The following EIF2D variants were observed in gnomAD, a reference collection of about 807,000 sequenced individuals.
EIF2D encodes hepatocellular carcinoma-associated antigen 56.
Under a neutral mutation model 77.4 loss-of-function variants are expected in EIF2D, and 56 were observed. The ratio of observed to expected loss-of-function variants is 0.72; its 90% CI spans 0.58 to 0.90. The LOEUF is 0.90. Among genes scored for constraint, EIF2D ranks in the 40% least tolerant of loss-of-function variants. The probability of loss-of-function intolerance (pLI) is 0.00; values close to 1 mark genes in which losing one functional copy is unlikely to be tolerated. For missense variants in EIF2D, 574 were observed against 706.5 expected, an observed-to-expected ratio of 0.81 and a Z score of 2.13; for synonymous variants, 230 against 271.0, an observed-to-expected ratio of 0.85 and a Z score of 1.49.
intron 5 of EIF2D, chr1:206,603,526 A>C: frequency 4.2e-6 from 1 of 239,712 alleles, no homozygotes; most frequent in Non-Finnish European, 8.1e-6. Context: ...ACTCCCAAAA[A>C]TGTTCCCTTC....
chr1:206,584,234 T>C lies in EIF2D; in HGVS notation c.139-3072A>G, dbSNP rs2103571227. Reference sequence around the variant, plus strand: ...TCCCAGCCCACTATGGGGAAAGGGATCTCTGCTCCTTCCTCCAGCTCTCCC... The same window carrying C: ...TCCCAGCCCACTATGGGGAAAGGGACCTCTGCTCCTTCCTCCAGCTCTCCC... On this transcript the variant is annotated intron_variant and NMD_transcript_variant, in intron 2 of 5. Transcript: ENST00000472709. This position sits in a 1 kb window ranked among gnomAD's most constrained non-coding sequence, Gnocchi z 4.9. Among the ~76,000 whole-genome samples, 1 of 152,310 alleles carries C rather than the reference T, an allele frequency of 6.6e-6. No homozygotes were observed. Among genetic ancestry groups the C allele is most frequent in the African/African-American group, 2.4e-5 (1 of 41,570 alleles).
At chr1:206,583,853 C>T (rs935937089) in intron 2 of EIF2D, among the ~76,000 whole-genome samples, 1 of 152,124 alleles carries the variant, frequency 6.6e-6, no homozygotes, top group African/African-American at 2.4e-5. Context: ...AAAAACACTG[C>T]CCCCTGCTGG....
intron 6 of EIF2D, 124 bp downstream of exon 6, chr1:206,602,827 A>T: frequency 1.4e-6 from 2 of 1,405,966 alleles, no homozygotes; most frequent in African/African-American, 2.9e-5. Flanking sequence ...CCTCACAGAA[A>T]ATAAGGACCT....
intron 4 of EIF2D, among the ~76,000 whole-genome samples, chr1:206,576,501 A>C (rs766658587): frequency 1.3e-5 from 2 of 152,220 alleles, no homozygotes; most frequent in African/African-American, 4.8e-5. Flanking sequence ...AATGAGAGTG[A>C]AGTTACAAAG....
At position 206,582,807 on chromosome 1, in the gene EIF2D, C is replaced by T. The variant is rs567557807; in HGVS notation, c.139-1645G>A. ...AGTATATACTGGCACCATGGGTAGA[C>T]GCCTGTCCCTCCAGCTGTGTTGTTA... is the stretch of plus-strand genomic sequence containing the variant. On this transcript the variant is annotated intron_variant and NMD_transcript_variant, in intron 2 of 5. Coordinates refer to the EIF2D transcript ENST00000472709. Among the ~76,000 whole-genome samples, 57 of 152,312 alleles carry T rather than the reference C, an allele frequency of 3.7e-4. 1 individual carries two copies. The highest frequency in any genetic ancestry group is 6.3e-4 in the Non-Finnish European group (43 of 68,036).
chr1:206,603,571 T>C, intron 5 of EIF2D: 1 of 193,852 alleles, frequency 5.2e-6, no homozygotes. Flanking sequence ...TTGAATTAAA[T>C]ATGAACATTA....
In EIF2D at chr1:206,595,797, G is replaced by A; in HGVS notation, c.1430C>T (p.Pro477Leu). Reference sequence around the variant, plus strand: ...TTTCTTCACAATGGGCTCTTGTCCGGGAAGGGTCACTTGATAGGCAGGCTG... The same window carrying A: ...TTTCTTCACAATGGGCTCTTGTCCGAGAAGGGTCACTTGATAGGCAGGCTG... ...KLQPAYQVTL[P>L]GQEPIVKKGR... Residue 477 changes from proline (P) to leucine (L), a missense_variant, in exon 13 of 15, where the codon CCC becomes CTC. Physicochemically the swap from Pro to Leu is moderately conservative, Grantham distance 98. Transcript: ENST00000271764. The A allele has an allele frequency of 6.2e-7, 1 of 1,614,124 alleles. No individual in the cohort carries two copies. The highest frequency in any genetic ancestry group is 8.5e-7 in the Non-Finnish European group (1 of 1,179,996).
intron 5 of EIF2D, chr1:206,604,761 T>G (rs1670107364): frequency 1.3e-5 from 2 of 151,234 alleles, no homozygotes; most frequent in Middle Eastern, 3.4e-3. Flanking sequence ...AATTAATAAT[T>G]CCAAGACTGG....
intron 11 of EIF2D, among the ~76,000 whole-genome samples, chr1:206,597,598 C>A (rs545731892): frequency 6.6e-6 from 1 of 152,226 alleles, no homozygotes; most frequent in Non-Finnish European, 1.5e-5. Flanking sequence ...GGGAGGATCA[C>A]CTGAGGTCAA....
chr1:206,593,638 G>T lies in EIF2D; in HGVS notation c.1665C>A (p.His555Gln). Residue 555 changes from histidine to glutamine, a missense_variant, in exon 14 of 15, where the codon CAC becomes CAA. By Grantham distance (24) the His-to-Gln change is conservative. Coordinates refer to ENST00000271764, the MANE Select transcript of EIF2D (RefSeq NM_006893.3). The part of the protein sequence containing the change: ...QVQIQGNQVH[H>Q]LGWLLLEEYQ... ...GCTCACCAAGCAATAGCCAGCCGAGGTGGTGGACCTGGTTTCCCTGGATCT... is the reference window on the plus strand; with the variant it reads ...GCTCACCAAGCAATAGCCAGCCGAGTTGGTGGACCTGGTTTCCCTGGATCT... The T allele has an allele frequency of 6.2e-7, 1 of 1,610,066 alleles. No homozygotes were observed.
In EIF2D at chr1:206,610,546, C is replaced by T. The variant is rs147132174; in HGVS notation, c.247+638G>A. The stretch of plus-strand genomic sequence containing the variant: ...AAAAATATATATATTTTTGGCCAGG[C>T]GCGGTGGCTCACGTCTGTAATTCCA... On this transcript the variant is annotated intron_variant, in intron 2 of 14. Coordinates refer to ENST00000271764, the MANE Select transcript of EIF2D (RefSeq NM_006893.3). 7.5e-3 allele frequency among the ~76,000 whole-genome samples: 1,138 copies of T among 151,860 alleles called. 15 individuals carry two copies. Among genetic ancestry groups the T allele is most frequent in the African/African-American group, 0.026 (1,085 of 41,406 alleles).
intron 7 of EIF2D, 62 bp downstream of exon 7, chr1:206,602,273 CT>C: frequency 7.4e-7 from 1 of 1,344,598 alleles, no homozygotes; most frequent in South Asian, 1.2e-5. Context: ...TCCTGTCCTA[CT>C]ACCAAGGAGC....
At chr1:206,602,253 A>G in intron 7 of EIF2D, 83 bp downstream of exon 7, 1 of 1,041,514 alleles carries the variant, frequency 9.6e-7, no homozygotes, top group Admixed American at 1.8e-5. Flanking sequence ...CAGTCCCTGC[A>G]TTGGCCCCAT....
rs1409180709 is a variant in EIF2D, at chr1:206,586,552, C to T, written c.139-5390G>A. On this transcript the variant is annotated intron_variant and NMD_transcript_variant, in intron 2 of 5. Transcript: ENST00000472709. ...ATCACTGTCAAGATCTCGGCTGCTA[C>T]ACAGAAACTTAAGATTATTGAGTTT... is the stretch of plus-strand genomic sequence containing the variant. 1.6e-5 allele frequency: 5 copies of T among 317,270 alleles called. No homozygotes were observed. In the East Asian group the frequency reaches 3.7e-4, roughly 24 times the overall value. 19.7% of individuals were successfully genotyped at this position (317,270 alleles called of 1,614,324 possible).
At chr1:206,570,351 C>T (rs1226255176), downstream of EIF2D, among the ~76,000 whole-genome samples, 1 of 152,104 alleles carries the variant, frequency 6.6e-6, no homozygotes, top group African/African-American at 2.4e-5. Flanking sequence ...GCCTCGGCCT[C>T]CCTAAGTTCT....
Position 206,593,626 on chromosome 1 carries a change from T to C in EIF2D, c.1677A>G (p.Leu559=), listed in dbSNP as rs148767416. The C allele has an allele frequency of 1.1e-4, 177 of 1,606,982 alleles. 2 individuals are homozygous for C. In the African/African-American group the frequency reaches 1.2e-3, roughly 10 times the overall value. Residue 559 remains leucine, a synonymous_variant, in exon 14 of 15, where the codon CTA becomes CTG. Transcript: ENST00000271764. ...TTCAGAGGGGATGCTCACCAAGCAA[T>C]AGCCAGCCGAGGTGGTGGACCTGGT... is the stretch of plus-strand genomic sequence containing the variant. The part of the protein sequence containing the change: ...QGNQVHHLGW[L]LLEEYQLPRK...
chr1:206,571,692 C>G (rs1668455800), intron 5 of EIF2D, among the ~76,000 whole-genome samples: 1 of 152,166 alleles, frequency 6.6e-6, no homozygotes, highest in South Asian at 2.1e-4. Flanking sequence ...CTGTCAGTTC[C>G]AGGGGCAGGA....
chr1:206,587,050 A>G, downstream of EIF2D: 1 of 1,557,862 alleles, frequency 6.4e-7, no homozygotes, highest in Non-Finnish European at 8.7e-7. Context: ...TGCAACAGAC[A>G]CTTTTTCTCA....
chr1:206,605,784 G>C (rs1404678292), intron 4 of EIF2D, among the ~76,000 whole-genome samples: 1 of 152,092 alleles, frequency 6.6e-6, no homozygotes, highest in South Asian at 2.1e-4. Context: ...TTCCTGCTGT[G>C]AATTAAATCT....
Sources: allele counts gnomAD v4.1 joint callset (sites outside exome capture counted in the v4.1 genomes callset), GRCh38; gene constraint gnomAD v4.1.1; non-coding constraint Gnocchi (gnomAD v3.1); transcripts MANE v1.5; gene names NCBI Gene and HGNC (gene_info 2026-07-23, HGNC 2026-07-21).